GPC6: variants seen among roughly 807,000 people sequenced by gnomAD.
GPC6 encodes glypican-6.
A neutral mutation model predicts 55.2 loss-of-function variants in GPC6; 14 were observed. That is an observed-to-expected ratio of 0.25 (90% CI 0.17 to 0.40). The LOEUF is 0.40. Ranked by LOEUF, GPC6 falls within the 10% of genes least tolerant of loss-of-function variation. The pLI, the probability that GPC6 is intolerant of heterozygous loss-of-function variation, is 1.00. For missense variants in GPC6, 641 were observed against 708.5 expected (o/e 0.90, Z 1.08); for synonymous variants, 278 against 259.6 (o/e 1.07, Z -0.68).
intron 1 of GPC6, among the ~76,000 whole-genome samples, chr13:93,256,169 C>CAAAAAA (rs1230331244): frequency 3.6e-5 from 2 of 55,142 alleles, no homozygotes. Context: ...GACTCCATCT[C>CAAAAAA]AAAAAAAAAA....
intron 2 of GPC6, among the ~76,000 whole-genome samples, chr13:93,682,967 A>T (rs1352691597): frequency 1.3e-5 from 2 of 152,100 alleles, no homozygotes; most frequent in Admixed American, 1.3e-4. Flanking sequence ...GCAGTGAGCT[A>T]TAACTGCACC....
At chr13:93,647,966 C>T (rs1042329680) in intron 2 of GPC6, among the ~76,000 whole-genome samples, 3 of 152,200 alleles carry the variant, frequency 2.0e-5, no homozygotes, top group Admixed American at 6.5e-5. Context: ...TGCCTAAACA[C>T]GGGAGTGTTT....
At chr13:94,098,480 C>T (rs1237989087) in intron 4 of GPC6, among the ~76,000 whole-genome samples, 1 of 152,112 alleles carries the variant, frequency 6.6e-6, no homozygotes, top group Non-Finnish European at 1.5e-5. Flanking sequence ...TCATCCTTTT[C>T]TTTTGCTATC....
chr13:93,411,522 G>T (rs1185595602), intron 1 of GPC6, among the ~76,000 whole-genome samples: 1 of 152,144 alleles, frequency 6.6e-6, no homozygotes, highest in Non-Finnish European at 1.5e-5. Context: ...CAGACAGTGG[G>T]AGCACAGCAC....
chr13:93,715,293 A>G (rs969416173), intron 2 of GPC6, among the ~76,000 whole-genome samples: 44 of 151,708 alleles, frequency 2.9e-4, no homozygotes, highest in Non-Finnish European at 8.8e-5. Context: ...AAAAGAATGA[A>G]ATCCTGTCCT....
At chr13:93,897,195 A>G (rs1323121637) in intron 3 of GPC6, among the ~76,000 whole-genome samples, 29 of 151,970 alleles carry the variant, frequency 1.9e-4, no homozygotes. Context: ...TGATGAAGAA[A>G]GGTTGATTAA....
chr13:93,540,652 A>G (rs1409065789), intron 1 of GPC6, among the ~76,000 whole-genome samples: 2 of 152,180 alleles, frequency 1.3e-5, no homozygotes, highest in Non-Finnish European at 2.9e-5. Flanking sequence ...TAGCATGTCT[A>G]TCATCTTAAA....
At chr13:93,625,047 G>A (rs147895760) in intron 2 of GPC6, among the ~76,000 whole-genome samples, 8 of 152,172 alleles carry the variant, frequency 5.3e-5, no homozygotes, top group East Asian at 3.9e-4. Flanking sequence ...ACTATGCTCC[G>A]AATTTTCATT....
intron 4 of GPC6, among the ~76,000 whole-genome samples, chr13:94,186,126 C>T (rs1042850863): frequency 1.4e-5 from 2 of 147,164 alleles, no homozygotes; most frequent in Non-Finnish European, 3.0e-5. Context: ...TTCACATAGA[C>T]CTTTCCAGAA....
chr13:93,806,521 G>T (rs1231881538), intron 2 of GPC6, among the ~76,000 whole-genome samples: 1 of 152,066 alleles, frequency 6.6e-6, no homozygotes, highest in Non-Finnish European at 1.5e-5. Flanking sequence ...TGTATTTTTA[G>T]TAGAGATGGG....
chr13:93,506,184 A>G (rs1368152019), intron 1 of GPC6, among the ~76,000 whole-genome samples: 1 of 152,156 alleles, frequency 6.6e-6, no homozygotes, highest in Non-Finnish European at 1.5e-5. Flanking sequence ...TCTATCATTA[A>G]TGAAGTGAGA....
At chr13:93,397,711 T>A (rs566524453) in intron 1 of GPC6, among the ~76,000 whole-genome samples, 1 of 152,210 alleles carries the variant, frequency 6.6e-6, no homozygotes, top group Admixed American at 6.5e-5. Flanking sequence ...CCTAGAGTTG[T>A]CTGGTTTGTT....
chr13:94,077,462 AT>A (rs983390617), intron 4 of GPC6, among the ~76,000 whole-genome samples: 10 of 150,332 alleles, frequency 6.7e-5, no homozygotes, highest in African/African-American at 2.2e-4. Flanking sequence ...GAAGCCTTTT[AT>A]TTTTTTTTCT....
At chr13:93,936,970 G>A (rs148995504) in intron 3 of GPC6, among the ~76,000 whole-genome samples, 9 of 152,232 alleles carry the variant, frequency 5.9e-5, no homozygotes, top group East Asian at 5.8e-4. Flanking sequence ...TCTTAATTCC[G>A]TTCAAAGCCA....
chr13:93,277,834 T>TG (rs1381195863), intron 1 of GPC6, among the ~76,000 whole-genome samples: 2 of 152,114 alleles, frequency 1.3e-5, no homozygotes, highest in Non-Finnish European at 2.9e-5. Flanking sequence ...GAATAAATGA[T>TG]GGGAGAAATT....
At chr13:94,109,086 T>C (rs1886153594) in intron 4 of GPC6, among the ~76,000 whole-genome samples, 1 of 152,198 alleles carries the variant, frequency 6.6e-6, no homozygotes, top group Admixed American at 6.5e-5. Flanking sequence ...TGTAAAAGCT[T>C]TACATCCCCT....
chr13:94,190,038 T>G (rs1373476453), intron 4 of GPC6, among the ~76,000 whole-genome samples: 2 of 149,438 alleles, frequency 1.3e-5, no homozygotes, highest in Non-Finnish European at 3.0e-5. Context: ...AAAAAAAGTA[T>G]GCAGGCCAGG....
At chr13:93,674,816 C>T (rs1388348810) in intron 2 of GPC6, among the ~76,000 whole-genome samples, 1 of 143,934 alleles carries the variant, frequency 6.9e-6, no homozygotes, top group Non-Finnish European at 1.5e-5. Flanking sequence ...TTGCTTGTGG[C>T]AAAGTTATGT....
intron 3 of GPC6, among the ~76,000 whole-genome samples, chr13:93,868,352 G>A (rs536223482): frequency 6.6e-6 from 1 of 151,774 alleles, no homozygotes; most frequent in East Asian, 2.0e-4. Flanking sequence ...TGTCTATATA[G>A]TTATATCTCC....
Sources: allele counts gnomAD v4.1 joint callset (sites outside exome capture counted in the v4.1 genomes callset), GRCh38; gene constraint gnomAD v4.1.1; transcripts MANE v1.5; gene names NCBI Gene and HGNC (gene_info 2026-07-23, HGNC 2026-07-21).